GOLM2: variants seen among roughly 807,000 people sequenced by gnomAD.
The protein encoded by GOLM2 is protein GOLM2.
Under a neutral mutation model 55.9 loss-of-function variants are expected in GOLM2, and 26 were observed. That is an observed-to-expected ratio of 0.47 (90% CI 0.34 to 0.65). The LOEUF (loss-of-function observed/expected upper bound fraction) is 0.65. Among genes scored for constraint, GOLM2 ranks in the 30% least tolerant of loss-of-function variants. The probability of loss-of-function intolerance (pLI) is 0.01; values close to 1 mark genes in which losing one functional copy is unlikely to be tolerated. For synonymous variants in GOLM2, 165 were observed against 194.6 expected, an observed-to-expected ratio of 0.85 and a Z score of 1.27; for missense variants, 486 against 531.8, an observed-to-expected ratio of 0.91 and a Z score of 0.85.
At chr15:44,336,280 C>G (rs1410861100) in intron 4 of GOLM2, among the ~76,000 whole-genome samples, 1 of 151,908 alleles carries the variant, frequency 6.6e-6, no homozygotes, top group Non-Finnish European at 1.5e-5. Context: ...CCACACCCGG[C>G]TAATTTTTTG....
intron 1 of GOLM2, among the ~76,000 whole-genome samples, chr15:44,294,394 A>G (rs978848279): frequency 2.6e-5 from 4 of 151,914 alleles, no homozygotes; most frequent in Non-Finnish European, 4.4e-5. Flanking sequence ...CCTGACTAAC[A>G]TGGTGAAACC....
chr15:44,386,474 T>C (rs909811580), intron 8 of GOLM2, among the ~76,000 whole-genome samples: 3 of 152,236 alleles, frequency 2.0e-5, no homozygotes, highest in Non-Finnish European at 2.9e-5. Flanking sequence ...TATGAGTCCT[T>C]CAACTTTGTT....
chr15:44,358,063 A>G (rs2079209571), intron 6 of GOLM2, among the ~76,000 whole-genome samples: 1 of 152,218 alleles, frequency 6.6e-6, no homozygotes, highest in Non-Finnish European at 1.5e-5. Context: ...AAGTTTATAT[A>G]GAGAGGCATG....
At chr15:44,344,266 A>G (rs1595637534) in intron 6 of GOLM2, among the ~76,000 whole-genome samples, 1 of 149,176 alleles carries the variant, frequency 6.7e-6, no homozygotes, top group East Asian at 2.0e-4. Flanking sequence ...CTCAAAAAAA[A>G]AAAAAAATGT....
At chr15:44,341,782 G>A (rs1455173770) in intron 6 of GOLM2, among the ~76,000 whole-genome samples, 6 of 145,040 alleles carry the variant, frequency 4.1e-5, no homozygotes, top group Admixed American at 2.1e-4. Context: ...CTGCATCCTC[G>A]GCCTCCCGGG....
chr15:44,327,688 C>T (rs530403411), intron 2 of GOLM2, among the ~76,000 whole-genome samples: 1 of 152,306 alleles, frequency 6.6e-6, no homozygotes, highest in African/African-American at 2.4e-5. Context: ...AATTAACATT[C>T]ACTCTTTTCC....
At chr15:44,359,283 A>T (rs943762474) in intron 6 of GOLM2, among the ~76,000 whole-genome samples, 5 of 151,598 alleles carry the variant, frequency 3.3e-5, no homozygotes, top group African/African-American at 1.2e-4. Context: ...TATACAAAGA[A>T]CTCTTAAAAC....
At chr15:44,347,549 G>A (rs918915263) in intron 6 of GOLM2, among the ~76,000 whole-genome samples, 1 of 152,220 alleles carries the variant, frequency 6.6e-6, no homozygotes, top group African/African-American at 2.4e-5. Flanking sequence ...CCAGCAGGCA[G>A]AACTTGAGTT....
intron 8 of GOLM2, among the ~76,000 whole-genome samples, chr15:44,389,339 G>T (rs1472702073): frequency 6.6e-6 from 1 of 152,002 alleles, no homozygotes; most frequent in Admixed American, 6.6e-5. Flanking sequence ...AGAGCAGCCT[G>T]GCCAACATGG....
At chr15:44,320,823 T>C (rs1035320698) in intron 1 of GOLM2, among the ~76,000 whole-genome samples, 3 of 152,222 alleles carry the variant, frequency 2.0e-5, no homozygotes, top group Non-Finnish European at 4.4e-5. Flanking sequence ...TTTTACTCCA[T>C]CTTTCTTTCC....
chr15:44,380,057 A>G (rs996589310), intron 7 of GOLM2, among the ~76,000 whole-genome samples: 1 of 152,180 alleles, frequency 6.6e-6, no homozygotes, highest in Non-Finnish European at 1.5e-5. Context: ...TCTGCCTGCT[A>G]TACAGGTTTA....
At chr15:44,373,504 C>T (rs1268035441) in intron 6 of GOLM2, among the ~76,000 whole-genome samples, 1 of 150,974 alleles carries the variant, frequency 6.6e-6, no homozygotes, top group African/African-American at 2.4e-5. Flanking sequence ...ACCTGTAATC[C>T]CAGCACTTTG....
At chr15:44,324,755 CT>C (rs1314545723) in intron 2 of GOLM2, among the ~76,000 whole-genome samples, 34 of 145,458 alleles carry the variant, frequency 2.3e-4, no homozygotes, top group South Asian at 1.1e-3. Flanking sequence ...AAGTAATTTT[CT>C]TTTTTTTTTT....
chr15:44,378,610 T>C (rs994053726), intron 6 of GOLM2, among the ~76,000 whole-genome samples: 3 of 150,642 alleles, frequency 2.0e-5, no homozygotes, highest in Non-Finnish European at 4.4e-5. Context: ...AATAAGTAAA[T>C]AAAAGAAAAG....
chr15:44,369,094 T>TATATATATATATATATATAC, intron 6 of GOLM2, among the ~76,000 whole-genome samples: 1 of 90,576 alleles, frequency 1.1e-5, no homozygotes, highest in Admixed American at 1.1e-4. Context: ...TATATATATA[T>TATATATATATATATATATAC]ATATATATAT....
At chr15:44,328,563 C>T in intron 2 of GOLM2, 122 bp from the exon 3 acceptor site, 5 of 565,092 alleles carry the variant, frequency 8.8e-6, no homozygotes, top group East Asian at 3.1e-5. Flanking sequence ...ATTTAATTTC[C>T]TGGGAGTATT....
At chr15:44,382,553 C>A (rs2079410586) in intron 8 of GOLM2, among the ~76,000 whole-genome samples, 1 of 152,118 alleles carries the variant, frequency 6.6e-6, no homozygotes, top group South Asian at 2.1e-4. Flanking sequence ...TCTCGATCTT[C>A]TGACCTCAGG....
At chr15:44,350,061 A>C (rs1341375039) in intron 6 of GOLM2, among the ~76,000 whole-genome samples, 1 of 152,156 alleles carries the variant, frequency 6.6e-6, no homozygotes, top group Non-Finnish European at 1.5e-5. Context: ...CAAATAAACA[A>C]CCTAACAATG....
intron 6 of GOLM2, among the ~76,000 whole-genome samples, chr15:44,370,561 C>T (rs767219082): frequency 1.9e-4 from 29 of 152,166 alleles, no homozygotes; most frequent in Non-Finnish European, 3.7e-4. Context: ...AACCCCAACT[C>T]TAAGAGCGTG....
Sources: allele counts gnomAD v4.1 joint callset (sites outside exome capture counted in the v4.1 genomes callset), GRCh38; gene constraint gnomAD v4.1.1; transcripts MANE v1.5; gene names NCBI Gene and HGNC (gene_info 2026-07-23, HGNC 2026-07-21).